Variants in CSMD1 observed in about 807,000 individuals in gnomAD.
The protein encoded by CSMD1 is CUB and Sushi multiple domains 1, also known as CUB and sushi domain-containing protein 1.
In CSMD1, 213 loss-of-function variants were observed where a neutral mutation model predicts 417.5. That is an observed-to-expected ratio of 0.51 (90% CI 0.46 to 0.57). The LOEUF (loss-of-function observed/expected upper bound fraction) is 0.57. CSMD1 is among the 20% of genes least tolerant of loss of function. The pLI is 0.00. For missense variants in CSMD1, 6,923 were observed against 4,529.7 expected (o/e 1.53, Z -15.17); for synonymous variants, 2,862 against 1,736.8 (o/e 1.65, Z -16.11).
At chr8:3,282,860 C>G (rs1454625954) in intron 26 of CSMD1, among the ~76,000 whole-genome samples, 1 of 152,128 alleles carries the variant, frequency 6.6e-6, no homozygotes, top group East Asian at 1.9e-4. Context: ...TATGACTTGT[C>G]AGTGAGCTGC....
rs1165903189 is a variant in CSMD1 at position 3,194,459 on chromosome 8, T to TATTTC, written c.5195-4349_5195-4345dup. Among the ~76,000 whole-genome samples, 191 of 122,944 alleles carry TATTTC rather than the reference T, an allele frequency of 1.6e-3. 5 individuals are homozygous for TATTTC. The highest frequency in any genetic ancestry group is 3.3e-4 in the Non-Finnish European group (19 of 56,918). The allele number at this position is 122,944 out of a possible 152,430, so 80.7% of individuals were successfully genotyped here. ...TATTTTATTTTATTTTATTTTATTT[T>TATTTC]ATTTCATTTCATTTTTGAGGTGGAA... On this transcript the variant is annotated intron_variant, in intron 33 of 69. Transcript: ENST00000635120.
At chr8:3,312,461 TC>T (rs1805424267) in intron 23 of CSMD1, among the ~76,000 whole-genome samples, 1 of 152,168 alleles carries the variant, frequency 6.6e-6, no homozygotes, top group Non-Finnish European at 1.5e-5. Context: ...CATTCCTCTT[TC>T]CTGTCAGAAA....
At chr8:4,801,235 G>A (rs1345694173) in intron 1 of CSMD1, among the ~76,000 whole-genome samples, 1 of 152,120 alleles carries the variant, frequency 6.6e-6, no homozygotes, top group East Asian at 1.9e-4. Flanking sequence ...GCCACCTTGA[G>A]GACTGATCTA....
At position 3,096,893 on chromosome 8, in the gene CSMD1, G is replaced by A. The variant is rs547103843; in HGVS notation, c.7094C>T (p.Thr2365Ile). The change falls in exon 47 of 70, where the codon ACA (threonine) becomes ATA (isoleucine). Residue 2365 changes from threonine (T) to isoleucine (I), a missense_variant. By Grantham distance (89) the Thr-to-Ile change is moderately conservative (BLOSUM62 -1). Coordinates refer to ENST00000635120, the MANE Select transcript of CSMD1 (RefSeq NM_033225.6). ...PNYNITIFVDTFQSEKQFDAL... is the reference protein window; with the variant it reads ...PNYNITIFVDIFQSEKQFDAL... ...ATCAAACTGCTTTTCACTTTGAAAT[G>A]TGTCCACAAAGATGGTAATGTTGTA... 2.4e-5 allele frequency: 37 copies of A among 1,557,330 alleles called. 1 individual carries two copies. In the South Asian group the frequency reaches 3.7e-4, roughly 15 times the overall value.
intron 1 of CSMD1, among the ~76,000 whole-genome samples, chr8:4,933,904 T>C (rs1161832225): frequency 6.6e-6 from 1 of 152,170 alleles, no homozygotes; most frequent in African/African-American, 2.4e-5. Context: ...GGGTTTTCAT[T>C]TGTTACATTT....
At chr8:4,469,723 C>T (rs950998766) in intron 2 of CSMD1, among the ~76,000 whole-genome samples, 6 of 152,088 alleles carry the variant, frequency 3.9e-5, no homozygotes, top group Admixed American at 3.9e-4. Flanking sequence ...GCCCTTGTCC[C>T]TCTACATCTC....
intron 21 of CSMD1, among the ~76,000 whole-genome samples, chr8:3,355,784 C>G (rs10099071): frequency 6.6e-6 from 1 of 152,092 alleles, no homozygotes; most frequent in Non-Finnish European, 1.5e-5. Context: ...TACCAATAAA[C>G]TTTCATTTTG....
intron 52 of CSMD1, among the ~76,000 whole-genome samples, chr8:3,005,511 C>T (rs949580433): frequency 2.0e-5 from 3 of 152,068 alleles, no homozygotes; most frequent in African/African-American, 7.2e-5. Flanking sequence ...AACATTGATG[C>T]AAAAATCCTC....
intron 2 of CSMD1, among the ~76,000 whole-genome samples, chr8:4,480,295 C>T (rs921801264): frequency 1.6e-4 from 24 of 152,024 alleles, no homozygotes; most frequent in African/African-American, 5.6e-4. Context: ...GATGAATTTG[C>T]ACAAATCACT....
At chr8:4,821,147 C>G (rs1799499952) in intron 1 of CSMD1, among the ~76,000 whole-genome samples, 1 of 152,160 alleles carries the variant, frequency 6.6e-6, no homozygotes. Flanking sequence ...CGAAACTTCT[C>G]TGAGTCACAG....
intron 5 of CSMD1, among the ~76,000 whole-genome samples, chr8:3,963,551 T>C (rs1241989923): frequency 6.6e-6 from 1 of 152,186 alleles, no homozygotes; most frequent in Admixed American, 6.5e-5. Context: ...ATAAAATTCG[T>C]ATTTCAATTT....
At chr8:4,119,438 G>C (rs566629132) in intron 3 of CSMD1, among the ~76,000 whole-genome samples, 1 of 152,140 alleles carries the variant, frequency 6.6e-6, no homozygotes, top group African/African-American at 2.4e-5. Context: ...ATATTGATGT[G>C]TCATGGACTG....
intron 42 of CSMD1, among the ~76,000 whole-genome samples, chr8:3,114,961 A>G (rs1048056156): frequency 2.0e-4 from 30 of 152,114 alleles, no homozygotes; most frequent in African/African-American, 7.2e-4. Context: ...TCCCCACTCT[A>G]CACATACTAA....
intron 46 of CSMD1, among the ~76,000 whole-genome samples, chr8:3,103,280 C>T (rs1192238776): frequency 6.6e-6 from 1 of 152,186 alleles, no homozygotes; most frequent in Non-Finnish European, 1.5e-5. Flanking sequence ...TCTCTTCCTC[C>T]TCAGTTTATC....
intron 1 of CSMD1, among the ~76,000 whole-genome samples, chr8:4,909,101 T>C (rs1805493966): frequency 6.6e-6 from 1 of 152,208 alleles, no homozygotes; most frequent in Non-Finnish European, 1.5e-5. Flanking sequence ...TGTTTAATGC[T>C]TGCTGTAGGT....
intron 1 of CSMD1, among the ~76,000 whole-genome samples, chr8:4,984,699 G>A (rs1173891092): frequency 6.6e-6 from 1 of 152,162 alleles, no homozygotes; most frequent in Non-Finnish European, 1.5e-5. Flanking sequence ...ACTTGACTGG[G>A]CACAAAGCAC....
chr8:4,131,114 C>G (rs939563578), intron 3 of CSMD1, among the ~76,000 whole-genome samples: 4 of 152,280 alleles, frequency 2.6e-5, no homozygotes, highest in East Asian at 3.9e-4. Context: ...AGGAGAACCA[C>G]TGCTTATTCA....
intron 22 of CSMD1, among the ~76,000 whole-genome samples, chr8:3,347,435 C>A (rs1808087955): frequency 6.6e-6 from 1 of 152,206 alleles, no homozygotes; most frequent in Non-Finnish European, 1.5e-5. Flanking sequence ...TCTGTCTTGT[C>A]CTGGCTTGGC....
intron 7 of CSMD1, chr8:3,702,190 G>A (rs531206059): frequency 6.6e-6 from 1 of 152,052 alleles, no homozygotes; most frequent in Admixed American, 6.6e-5. Context: ...AATGGTTCTG[G>A]ATTAATTGCC....
Sources: allele counts gnomAD v4.1 joint callset (sites outside exome capture counted in the v4.1 genomes callset), GRCh38; gene constraint gnomAD v4.1.1; transcripts MANE v1.5; gene names NCBI Gene and HGNC (gene_info 2026-07-23, HGNC 2026-07-21).